GCNT2: variants seen among roughly 807,000 people sequenced by gnomAD.
GCNT2 encodes glucosaminyl (N-acetyl) transferase 2 (I blood group).
In GCNT2, 34 loss-of-function variants were observed where a neutral mutation model predicts 34.2. The ratio of observed to expected loss-of-function variants is 1.00; its 90% CI spans 0.76 to 1.32. The LOEUF is 1.32. GCNT2 is among the 40% of genes most tolerant of loss of function. GCNT2 has a pLI of 0.00. For synonymous variants in GCNT2, 212 were observed against 188.0 expected (o/e 1.13, Z -1.04); for missense variants, 584 against 489.4 (o/e 1.19, Z -1.82).
intron 3 of GCNT2, chr6:10,582,004 T>G (rs919129042): frequency 4.6e-4 from 107 of 234,610 alleles, no homozygotes; most frequent in African/African-American, 2.4e-3. Flanking sequence ...ATAAATATAT[T>G]TATGTGTATA....
intron 3 of GCNT2, chr6:10,574,826 G>A (rs1763725496): frequency 1.5e-6 from 1 of 653,566 alleles, no homozygotes; most frequent in South Asian, 1.4e-5. Context: ...GCTACTCTGG[G>A]TGGAGCAGGC....
At chr6:10,617,314 T>C (rs968559927) in intron 3 of GCNT2, among the ~76,000 whole-genome samples, 1 of 152,172 alleles carries the variant, frequency 6.6e-6, no homozygotes, top group Non-Finnish European at 1.5e-5. Flanking sequence ...CTCCGAGTGC[T>C]GGGCGCCCCC....
At chr6:10,582,934 T>C (rs1273710761) in intron 3 of GCNT2, among the ~76,000 whole-genome samples, 2 of 152,090 alleles carry the variant, frequency 1.3e-5, no homozygotes. Context: ...CCACTGTTCT[T>C]TATCTTTTCA....
At chr6:10,550,009 T>A (rs973066700) in intron 3 of GCNT2, among the ~76,000 whole-genome samples, 1 of 152,148 alleles carries the variant, frequency 6.6e-6, no homozygotes, top group African/African-American at 2.4e-5. Context: ...ATCATTTGAG[T>A]TCATGTTTAC....
At chr6:10,602,828 T>C (rs1765140954) in intron 3 of GCNT2, among the ~76,000 whole-genome samples, 1 of 152,216 alleles carries the variant, frequency 6.6e-6, no homozygotes, top group Admixed American at 6.5e-5. Context: ...TGAAAATTTG[T>C]CTGGTGGAGT....
intron 3 of GCNT2, among the ~76,000 whole-genome samples, chr6:10,597,394 A>G (rs1764903665): frequency 6.6e-6 from 1 of 151,916 alleles, no homozygotes; most frequent in African/African-American, 2.4e-5. Flanking sequence ...AGCTCAAGCA[A>G]TCTGCTTGCC....
intron 2 of GCNT2, chr6:10,528,425 T>TA (rs1475626601): frequency 5.3e-5 from 10 of 188,270 alleles, no homozygotes; most frequent in Non-Finnish European, 1.1e-4. Context: ...TTTAAGCAAA[T>TA]AAACTCAGGC....
At chr6:10,570,544 T>C (rs747265113) in intron 3 of GCNT2, among the ~76,000 whole-genome samples, 1 of 152,252 alleles carries the variant, frequency 6.6e-6, no homozygotes, top group Non-Finnish European at 1.5e-5. Flanking sequence ...CGTGCTACCA[T>C]CAGCCCTCTC....
At chr6:10,618,033 G>A (rs1276638705) in intron 3 of GCNT2, among the ~76,000 whole-genome samples, 1 of 152,098 alleles carries the variant, frequency 6.6e-6, no homozygotes, top group Non-Finnish European at 1.5e-5. Flanking sequence ...GGGATTACAG[G>A]TGTGAGCCAC....
rs549031610 is a variant in GCNT2, at chr6:10,601,193, C to T, written c.926-20158C>T. Among the ~76,000 whole-genome samples, 47 of 151,940 alleles carry T rather than the reference C, an allele frequency of 3.1e-4. 1 individual carries two copies. In the South Asian group the frequency reaches 8.5e-3, roughly 28 times the overall value. On this transcript the variant is annotated intron_variant, in intron 3 of 4. Coordinates refer to ENST00000495262, the MANE Select transcript of GCNT2 (RefSeq NM_145649.5). ...CATAAATAACAGAAGCAGCTGGGCC[C>T]GTTATTTTTTTGAAAAAGTAGGGCT...
intron 3 of GCNT2, among the ~76,000 whole-genome samples, chr6:10,578,665 C>CTCAAT (rs2127404637): frequency 6.6e-6 from 1 of 152,116 alleles, no homozygotes; most frequent in Non-Finnish European, 1.5e-5. Context: ...CCAGGATGGT[C>CTCAAT]TCAATCTCCT....
Position 10,555,716 on chromosome 6 carries a change from A to G in GCNT2, c.925+25880A>G, listed in dbSNP as rs939924373. 5.1e-6 allele frequency: 5 copies of G among 985,238 alleles called. No homozygotes were observed. The African/African-American group carries it at 7.0e-5, about 14-fold the overall frequency. The allele number at this position is 985,238 out of a possible 1,614,324, so 61.0% of individuals were successfully genotyped here. On this transcript the variant is annotated intron_variant, in intron 3 of 4. Coordinates refer to ENST00000495262, the MANE Select transcript of GCNT2 (RefSeq NM_145649.5). Reference sequence around the variant, plus strand: ...CCCCTGGGACAGGAACTCCTCCTCCAGTAAGCTCTTGTTTTGAAAAACAGT... The same window carrying G: ...CCCCTGGGACAGGAACTCCTCCTCCGGTAAGCTCTTGTTTTGAAAAACAGT...
rs145668214 is a variant in GCNT2 at position 10,551,481 on chromosome 6, C to T, written c.925+21645C>T. Among the ~76,000 whole-genome samples, 335 of 150,064 alleles carry T rather than the reference C, an allele frequency of 2.2e-3. 10 individuals carry two copies. The East Asian group carries it at 0.056, about 25-fold the overall frequency. On this transcript the variant is annotated intron_variant, in intron 3 of 4. Transcript: ENST00000495262. ...TTTTTTTTGAGATGGAGTCTCGCTCCGTTGCCCAGGCTGGAGTGCAACGGC... is the reference window on the plus strand; with the variant it reads ...TTTTTTTTGAGATGGAGTCTCGCTCTGTTGCCCAGGCTGGAGTGCAACGGC...
intron 1 of GCNT2, among the ~76,000 whole-genome samples, chr6:10,521,830 T>C (rs1302521442): frequency 6.6e-6 from 1 of 152,106 alleles, no homozygotes; most frequent in Non-Finnish European, 1.5e-5. Flanking sequence ...GGTTTATGTT[T>C]CTCAGTTCCT....
intron 3 of GCNT2, among the ~76,000 whole-genome samples, chr6:10,606,753 A>G (rs1581475999): frequency 1.6e-5 from 2 of 124,722 alleles, no homozygotes; most frequent in East Asian, 4.3e-4. Flanking sequence ...AAAATGCAGA[A>G]AACGATAAAG....
intron 3 of GCNT2, among the ~76,000 whole-genome samples, chr6:10,562,436 G>C (rs1192892762): frequency 6.6e-6 from 1 of 151,986 alleles, no homozygotes; most frequent in East Asian, 1.9e-4. Flanking sequence ...TCCCATCCCT[G>C]GTTGGGCACG....
rs1294355817 is a variant in GCNT2 at position 10,580,271 on chromosome 6, A to AGGG, written c.926-41076_926-41074dup. On this transcript the variant is annotated intron_variant, in intron 3 of 4. Coordinates refer to ENST00000495262, the MANE Select transcript of GCNT2 (RefSeq NM_145649.5). ...CCTGTGGCATTAATTGCCAGGGGTCAGGGGGGTGGGGAGGGATGCAGGCTC... is the reference window on the plus strand; with the variant it reads ...CCTGTGGCATTAATTGCCAGGGGTCAGGGGGGGGGTGGGGAGGGATGCAGGCTC... Among the ~76,000 whole-genome samples, 9 of 151,330 alleles carry AGGG rather than the reference A, an allele frequency of 5.9e-5. 1 individual carries two copies. The South Asian group carries it at 1.7e-3, about 28-fold the overall frequency.
chr6:10,533,284 C>T (rs950203156), intron 3 of GCNT2, among the ~76,000 whole-genome samples: 4 of 151,510 alleles, frequency 2.6e-5, no homozygotes, highest in Admixed American at 6.6e-5. Context: ...CGCGTCTGGG[C>T]GACAGAGTGA....
In GCNT2 at chr6:10,528,765, C is replaced by A; in HGVS notation, c.-147C>A. ...AAGAAGAAAGAAAAAGGACCAGAAC[C>A]GTGAACTGAAGGGACAGGGAACAGC... On this transcript the variant is annotated 5_prime_UTR_variant, in exon 3 of 5. Coordinates refer to ENST00000495262, the MANE Select transcript of GCNT2 (RefSeq NM_145649.5). The A allele has an allele frequency of 5.6e-6, 4 of 716,882 alleles. No individual in the cohort carries two copies. In the South Asian group the frequency reaches 6.0e-5, roughly 11 times the overall value. 44.4% of individuals were successfully genotyped at this position (716,882 alleles called of 1,614,324 possible).
Sources: allele counts gnomAD v4.1 joint callset (sites outside exome capture counted in the v4.1 genomes callset), GRCh38; gene constraint gnomAD v4.1.1; transcripts MANE v1.5; gene names NCBI Gene and HGNC (gene_info 2026-07-23, HGNC 2026-07-21).